The following LMO3 variants were observed in gnomAD, a reference collection of about 807,000 sequenced individuals.
The protein encoded by LMO3 is LIM domain only protein 3.
LMO3 carries 2 observed loss-of-function variants against 15.8 expected under a neutral mutation model. That is an observed-to-expected ratio of 0.13 (90% CI 0.05 to 0.40). The LOEUF (loss-of-function observed/expected upper bound fraction) is 0.40, where lower values mean the gene tolerates loss of function less well. Among genes scored for constraint, LMO3 ranks in the 10% least tolerant of loss-of-function variants. LMO3 has a pLI of 0.99. For synonymous variants in LMO3, 62 were observed against 63.8 expected (o/e 0.97, Z 0.13); for missense variants, 86 against 182.2 (o/e 0.47, Z 3.04).
In LMO3 at chr12:16,559,533, C is replaced by T. The variant is rs1942312447; in HGVS notation, c.332+880G>A. On this transcript the variant is annotated intron_variant, in intron 3 of 3. Transcript: ENST00000537304. The surrounding 1 kb of genome is among the most constrained non-coding windows in gnomAD (Gnocchi z 4.1). ...AGGTTTCCAGGTTCCCTGTTCAACA[C>T]TTTTTCAAATGCTCCTCTCCAATGA... Among the ~76,000 whole-genome samples, 1 of 152,148 alleles carries T rather than the reference C, an allele frequency of 6.6e-6. No individual in the cohort carries two copies. Among genetic ancestry groups the T allele is most frequent in the East Asian group, 1.9e-4 (1 of 5,192 alleles).
chr12:16,565,786 G>C (rs531212525), intron 2 of LMO3, among the ~76,000 whole-genome samples: 4 of 151,016 alleles, frequency 2.6e-5, no homozygotes, highest in Admixed American at 6.6e-5. Flanking sequence ...CAGTATGGAG[G>C]TTCCTCAAAA....
intron 3 of LMO3, among the ~76,000 whole-genome samples, chr12:16,556,064 C>T (rs994642033): frequency 1.3e-5 from 2 of 152,240 alleles, no homozygotes; most frequent in Admixed American, 1.3e-4. Flanking sequence ...AGATTTTATC[C>T]ACCTCAGCTT....
Position 16,548,663 on chromosome 12 carries a change from G to C in LMO3, c.*2559C>G, listed in dbSNP as rs957681556. The C allele has an allele frequency of 6.6e-6, 1 of 152,106 alleles. No individual in the cohort carries two copies. Among genetic ancestry groups the C allele is most frequent in the Non-Finnish European group, 1.5e-5 (1 of 68,016 alleles). 9.4% of individuals were successfully genotyped at this position (152,106 alleles called of 1,614,324 possible). On this transcript the variant is annotated 3_prime_UTR_variant, in exon 4 of 4. Transcript: ENST00000537304. The surrounding 1 kb of genome is among the most constrained non-coding windows in gnomAD (Gnocchi z 4.2). The stretch of plus-strand genomic sequence containing the variant: ...TGACGTTAGGGCTACACAACACAAA[G>C]GGGAAAGTTGACAACAATTCAGGGG...
Position 16,582,073 on chromosome 12 carries a change from T to G in LMO3, c.206+18582A>C, listed in dbSNP as rs1242583632. Among the ~76,000 whole-genome samples the G allele has an allele frequency of 6.6e-6, 1 of 152,216 alleles. No homozygotes were observed. The highest frequency in any genetic ancestry group is 1.5e-5 in the Non-Finnish European group (1 of 68,026). ...TGAGTATCCCTGGCTTTTTCTTGGC[T>G]TTAATGGAAATTACTTTAGTATTTA... On this transcript the variant is annotated intron_variant, in intron 2 of 3. Transcript: ENST00000537304. The surrounding 1 kb of genome is among the most constrained non-coding windows in gnomAD (Gnocchi z 4.1).
intron 2 of LMO3, among the ~76,000 whole-genome samples, chr12:16,578,570 C>A (rs1319677395): frequency 6.6e-6 from 1 of 152,082 alleles, no homozygotes; most frequent in African/African-American, 2.4e-5. Flanking sequence ...GTAATCCCAG[C>A]CCTTTGGGAG....
chr12:16,570,863 G>A (rs543076684), intron 2 of LMO3, among the ~76,000 whole-genome samples: 1 of 152,204 alleles, frequency 6.6e-6, no homozygotes, highest in African/African-American at 2.4e-5. Flanking sequence ...TAAATTTTCA[G>A]ATGATCAAAC....
chr12:16,607,900 C>T (rs1271638572), upstream of LMO3: 2 of 152,094 alleles, frequency 1.3e-5, no homozygotes, highest in African/African-American at 4.8e-5. Context: ...GTTTGCTTTC[C>T]TCTCCCTTTA....
intron 2 of LMO3, among the ~76,000 whole-genome samples, chr12:16,575,375 G>A (rs555369750): frequency 1.3e-5 from 2 of 152,206 alleles, no homozygotes; most frequent in East Asian, 1.9e-4. Flanking sequence ...TGATACCTCC[G>A]CAAATTAGAC....
chr12:16,578,995 T>C (rs912574190), intron 2 of LMO3, among the ~76,000 whole-genome samples: 5 of 152,208 alleles, frequency 3.3e-5, no homozygotes, highest in African/African-American at 4.8e-5. Flanking sequence ...TAAGGTCTAG[T>C]ATATTACATT....
chr12:16,607,528 T>C (rs1944038632), upstream of LMO3: 1 of 152,140 alleles, frequency 6.6e-6, no homozygotes, highest in South Asian at 2.1e-4. Flanking sequence ...TTAAAATACC[T>C]TATTATTTTT....
At chr12:16,572,283 C>T (rs1465972036) in intron 2 of LMO3, among the ~76,000 whole-genome samples, 2 of 148,320 alleles carry the variant, frequency 1.3e-5, no homozygotes, top group Non-Finnish European at 3.0e-5. Flanking sequence ...TTTATATGTT[C>T]ACATACAATA....
chr12:16,560,304 C>G lies in LMO3; in HGVS notation c.332+109G>C, dbSNP rs570981354. The G allele has an allele frequency of 8.1e-7, 1 of 1,241,234 alleles. No homozygotes were observed. The highest frequency in any genetic ancestry group is 2.4e-5 in the Admixed American group (1 of 42,242). 76.9% of individuals were successfully genotyped at this position (1,241,234 alleles called of 1,614,324 possible). A position where few individuals can be genotyped will look rare whatever the true frequency, so the allele number is the denominator to read the frequency against. On this transcript the variant is annotated intron_variant, in intron 3 of 3. Coordinates refer to ENST00000537304, the MANE Select transcript of LMO3 (RefSeq NM_018640.5). This position sits in a 1 kb window ranked among gnomAD's most constrained non-coding sequence, Gnocchi z 5.0. ...GATTAAAGTTTACAGAACAGAAAAA[C>G]GCTGAGATTGATTGCTTTAAATGTA...
At chr12:16,566,737 A>G (rs1307238827) in intron 2 of LMO3, among the ~76,000 whole-genome samples, 2 of 152,186 alleles carry the variant, frequency 1.3e-5, no homozygotes, top group African/African-American at 4.8e-5. Flanking sequence ...AAACAGAAAC[A>G]TAAAAGCCAT....
rs1942143194 is a variant in LMO3 at position 16,555,028 on chromosome 12, A to G, written c.333-3701T>C. Among the ~76,000 whole-genome samples the G allele has an allele frequency of 6.6e-6, 1 of 152,182 alleles. No homozygotes were observed. The highest frequency in any genetic ancestry group is 2.4e-5 in the African/African-American group (1 of 41,444). On this transcript the variant is annotated intron_variant, in intron 3 of 3. Transcript: ENST00000537304. The surrounding 1 kb of genome is among the most constrained non-coding windows in gnomAD (Gnocchi z 5.5). ...CTTGGGCAAGTTACTTACATTTCCTATACTTTACTTTCCTCATCTGTCAAA... is the reference window on the plus strand; with the variant it reads ...CTTGGGCAAGTTACTTACATTTCCTGTACTTTACTTTCCTCATCTGTCAAA...
intron 2 of LMO3, among the ~76,000 whole-genome samples, chr12:16,575,779 T>C (rs896904774): frequency 6.6e-6 from 1 of 150,926 alleles, no homozygotes; most frequent in African/African-American, 2.4e-5. Context: ...TCACTTTTCA[T>C]GTCCTGACCT....
chr12:16,565,958 G>A (rs1436823861), intron 2 of LMO3, among the ~76,000 whole-genome samples: 1 of 113,192 alleles, frequency 8.8e-6, no homozygotes, highest in Non-Finnish European at 1.7e-5. Context: ...GCCCATCAAT[G>A]GATGAATGGA....
chr12:16,577,076 C>T (rs1943017656), intron 2 of LMO3, among the ~76,000 whole-genome samples: 2 of 152,300 alleles, frequency 1.3e-5, no homozygotes, highest in South Asian at 2.1e-4. Flanking sequence ...GGTGCCAACA[C>T]ATCAGAATTC....
chr12:16,572,716 ATATAT>A (rs1942858275), intron 2 of LMO3, among the ~76,000 whole-genome samples: 2 of 148,184 alleles, frequency 1.3e-5, no homozygotes, highest in Admixed American at 1.4e-4. Context: ...TATAATTTAA[ATATAT>A]TATAAACCAT....
chr12:16,562,385 T>C (rs1488535305), intron 2 of LMO3, among the ~76,000 whole-genome samples: 1 of 152,228 alleles, frequency 6.6e-6, no homozygotes, highest in Non-Finnish European at 1.5e-5. Flanking sequence ...CTGGTTAACA[T>C]GCGATAAAGC....
Sources: allele counts gnomAD v4.1 joint callset (sites outside exome capture counted in the v4.1 genomes callset), GRCh38; gene constraint gnomAD v4.1.1; non-coding constraint Gnocchi (gnomAD v3.1); transcripts MANE v1.5; gene names NCBI Gene and HGNC (gene_info 2026-07-23, HGNC 2026-07-21).